The following RNFT2 variants were observed in gnomAD, a reference collection of about 807,000 sequenced individuals.
RNFT2 encodes ring finger protein, transmembrane 2, also known as E3 ubiquitin-protein ligase RNFT2.
A neutral mutation model predicts 53.0 loss-of-function variants in RNFT2; 36 were observed. The ratio of observed to expected loss-of-function variants is 0.68; its 90% CI spans 0.52 to 0.90. RNFT2 has a LOEUF of 0.90. Among genes scored for constraint, RNFT2 ranks in the 40% least tolerant of loss-of-function variants. The probability of loss-of-function intolerance (pLI) is 0.00; values close to 1 mark genes in which losing one functional copy is unlikely to be tolerated. For synonymous variants in RNFT2, 260 were observed against 253.2 expected (o/e 1.03, Z -0.26); for missense variants, 514 against 585.6 (o/e 0.88, Z 1.26).
intron 7 of RNFT2, among the ~76,000 whole-genome samples, chr12:116,780,069 T>G (rs972254500): frequency 6.6e-6 from 1 of 152,174 alleles, no homozygotes. Flanking sequence ...ATCTTTCAAG[T>G]TCAGAAAGCT....
chr12:116,819,746 T>C (rs1332316361), intron 7 of RNFT2, among the ~76,000 whole-genome samples: 1 of 152,194 alleles, frequency 6.6e-6, no homozygotes, highest in Non-Finnish European at 1.5e-5. Context: ...TCCTTTTTCT[T>C]TTGTATTGAG....
intron 6 of RNFT2, among the ~76,000 whole-genome samples, chr12:116,777,510 C>G (rs555541708): frequency 6.6e-6 from 1 of 152,188 alleles, no homozygotes; most frequent in Non-Finnish European, 1.5e-5. Context: ...GTTTACACTA[C>G]TCAGCTGTAG....
At chr12:116,795,410 G>GA (rs201494908) in intron 7 of RNFT2, among the ~76,000 whole-genome samples, 2,041 of 122,802 alleles carry the variant, frequency 0.017, 94 homozygotes, top group East Asian at 0.15. Context: ...TCCATCTCCA[G>GA]AAAAAAAAAA....
intron 3 of RNFT2, among the ~76,000 whole-genome samples, chr12:116,746,186 G>A (rs7137493): frequency 0.58 from 88,212 of 151,698 alleles, 27,689 homozygotes; most frequent in East Asian, 0.71. Flanking sequence ...GCAGTGAGCC[G>A]AGATCGCGCC....
chr12:116,741,107 G>T lies in RNFT2; in HGVS notation c.83+13G>T, dbSNP rs377294134. Reference sequence around the variant, plus strand: ...TTCCACCTGAAAGGTAGGCATCCCTGCTTCTGTTCCATCTGAGGGCTCTAG... The same window carrying T: ...TTCCACCTGAAAGGTAGGCATCCCTTCTTCTGTTCCATCTGAGGGCTCTAG... On this transcript the variant is annotated intron_variant, in intron 3 of 10. Coordinates refer to ENST00000257575, the MANE Select transcript of RNFT2 (RefSeq NM_001382266.1). The T allele has an allele frequency of 3.2e-5, 51 of 1,603,844 alleles. No homozygotes were observed. In the African/African-American group the frequency reaches 6.7e-4, roughly 21 times the overall value.
intron 7 of RNFT2, among the ~76,000 whole-genome samples, chr12:116,831,706 A>G (rs769474028): frequency 1.2e-4 from 19 of 152,148 alleles, no homozygotes; most frequent in Middle Eastern, 3.4e-3. Context: ...TGTTTGTTTG[A>G]TTTTATCAGC....
At position 116,822,904 on chromosome 12, in the gene RNFT2, C is replaced by T. The variant is rs183490494; in HGVS notation, c.883-10888C>T. 3.9e-5 allele frequency among the ~76,000 whole-genome samples: 6 copies of T among 152,138 alleles called. No individual in the cohort carries two copies. The East Asian group carries it at 7.7e-4, about 20-fold the overall frequency. On this transcript the variant is annotated intron_variant, in intron 7 of 10. Coordinates refer to ENST00000257575, the MANE Select transcript of RNFT2 (RefSeq NM_001382266.1). ...CCCAGCTACTTGGGAGGCTGAGGCA[C>T]GAGAATCACTTGAACCCAGGAGGCA...
chr12:116,792,699 G>T (rs993862637), intron 7 of RNFT2, among the ~76,000 whole-genome samples: 3 of 152,046 alleles, frequency 2.0e-5, no homozygotes, highest in African/African-American at 4.8e-5. Flanking sequence ...GCCTTCCCTT[G>T]CCTGTCTGAG....
intron 5 of RNFT2, among the ~76,000 whole-genome samples, chr12:116,756,046 G>A (rs752556856): frequency 2.0e-5 from 3 of 152,008 alleles, no homozygotes; most frequent in Non-Finnish European, 4.4e-5. Flanking sequence ...CAGTTATGTG[G>A]GCTCTTTTCT....
Position 116,850,620 on chromosome 12 carries a change from C to CTTTTTTCTTTTTTTTTTTT in RNFT2, c.*1178_*1179insCTTTTTTTTTTTTTTTTTT, listed in dbSNP as rs775478129. Reference sequence around the variant, plus strand: ...TGTGAAGTATTTTTTCTTTTCTTTTCTTTTTTTTTTTTTTTTTGTTGTTGT... The same window carrying CTTTTTTCTTTTTTTTTTTT: ...TGTGAAGTATTTTTTCTTTTCTTTTCTTTTTTCTTTTTTTTTTTTTTTTTTTTTTTTTTTTTGTTGTTGT... On this transcript the variant is annotated 3_prime_UTR_variant, in exon 11 of 11. Coordinates refer to ENST00000257575, the MANE Select transcript of RNFT2 (RefSeq NM_001382266.1). The CTTTTTTCTTTTTTTTTTTT allele has an allele frequency of 2.3e-5, 3 of 131,034 alleles. No homozygotes were observed. Among genetic ancestry groups the CTTTTTTCTTTTTTTTTTTT allele is most frequent in the Non-Finnish European group, 3.2e-5 (2 of 61,754 alleles). 8.1% of individuals were successfully genotyped at this position (131,034 alleles called of 1,614,324 possible).
chr12:116,804,197 G>T (rs1237549014), intron 7 of RNFT2, among the ~76,000 whole-genome samples: 1 of 152,170 alleles, frequency 6.6e-6, no homozygotes, highest in African/African-American at 2.4e-5. Flanking sequence ...AACTTGTGCT[G>T]TTACACAGTG....
intron 6 of RNFT2, among the ~76,000 whole-genome samples, chr12:116,773,403 C>A (rs1306947418): frequency 6.6e-6 from 1 of 152,204 alleles, no homozygotes; most frequent in African/African-American, 2.4e-5. Flanking sequence ...GGGACTCAAA[C>A]AATCCTAGGA....
chr12:116,776,579 CA>C (rs1465099655), intron 6 of RNFT2, among the ~76,000 whole-genome samples: 2 of 152,164 alleles, frequency 1.3e-5, no homozygotes, highest in Non-Finnish European at 2.9e-5. Context: ...AGTGACTTGT[CA>C]GTAATTTTGC....
At chr12:116,792,838 C>T (rs1357814392) in intron 7 of RNFT2, among the ~76,000 whole-genome samples, 1 of 152,120 alleles carries the variant, frequency 6.6e-6, no homozygotes, top group Non-Finnish European at 1.5e-5. Context: ...TTTGCTGGGC[C>T]TCCGCACCAT....
At chr12:116,821,102 C>A (rs2137181317) in intron 7 of RNFT2, among the ~76,000 whole-genome samples, 1 of 152,198 alleles carries the variant, frequency 6.6e-6, no homozygotes, top group East Asian at 1.9e-4. Context: ...GTTACTCTTC[C>A]CCTGTTGCCT....
intron 7 of RNFT2, among the ~76,000 whole-genome samples, chr12:116,812,368 G>C (rs1348451203): frequency 6.6e-6 from 1 of 152,138 alleles, no homozygotes; most frequent in African/African-American, 2.4e-5. Flanking sequence ...GGATGGCAGA[G>C]GGAGGAGAGG....
chr12:116,753,903 C>A, intron 4 of RNFT2, 81 bp from the exon 5 acceptor site: 1 of 1,067,118 alleles, frequency 9.4e-7, no homozygotes, highest in Non-Finnish European at 1.5e-6. Context: ...AGGGATGTGC[C>A]TTTTCCCCCA....
At chr12:116,845,274 T>G (rs561648755) in intron 10 of RNFT2, among the ~76,000 whole-genome samples, 3,412 of 125,372 alleles carry the variant, frequency 0.027, 74 homozygotes, top group Non-Finnish European at 0.035. Flanking sequence ...TATATATATA[T>G]AGAGAGAGAG....
At chr12:116,771,134 C>T (rs1204896825) in intron 6 of RNFT2, among the ~76,000 whole-genome samples, 1 of 152,004 alleles carries the variant, frequency 6.6e-6, no homozygotes, top group South Asian at 2.1e-4. Context: ...TGACTCCTGA[C>T]CTAAAATATT....
Sources: allele counts gnomAD v4.1 joint callset (sites outside exome capture counted in the v4.1 genomes callset), GRCh38; gene constraint gnomAD v4.1.1; transcripts MANE v1.5; gene names NCBI Gene and HGNC (gene_info 2026-07-23, HGNC 2026-07-21).